Variants in ASTN2 observed in about 807,000 individuals in gnomAD.
ASTN2 encodes the protein astrotactin 2, also known as astrotactin-2.
Under a neutral mutation model 139.8 loss-of-function variants are expected in ASTN2, and 54 were observed. The ratio of observed to expected loss-of-function variants is 0.39; its 90% confidence interval spans 0.31 to 0.48. The LOEUF (loss-of-function observed/expected upper bound fraction) is 0.48, where lower values mean the gene tolerates loss of function less well. ASTN2 is among the 20% of genes least tolerant of loss of function. The pLI, the probability that ASTN2 is intolerant of heterozygous loss-of-function variation, is 0.95. For synonymous variants in ASTN2, 756 were observed against 719.5 expected (o/e 1.05, Z -0.81); for missense variants, 1,565 against 1,725.1 (o/e 0.91, Z 1.64).
chr9:117,180,411 T>C (rs1831029301), intron 3 of ASTN2, among the ~76,000 whole-genome samples: 1 of 152,174 alleles, frequency 6.6e-6, no homozygotes, highest in African/African-American at 2.4e-5. Flanking sequence ...CCCCTTTCCC[T>C]TGCCCCTGGG....
chr9:117,060,395 A>AAAGG lies in ASTN2; in HGVS notation c.1277-20431_1277-20430insCCTT, dbSNP rs1839225193. ...GAAAGAAAGAAAGAAAGAAAGAAAG[A>AAAGG]AAGAAAGAAAGAAAGAAGGAAAGGA... On this transcript the variant is annotated intron_variant, in intron 5 of 22. Coordinates refer to ENST00000313400, the MANE Select transcript of ASTN2 (RefSeq NM_001365068.1). Among the ~76,000 whole-genome samples the AAAGG allele has an allele frequency of 2.5e-5, 2 of 79,018 alleles. 1 individual carries two copies. The highest frequency in any genetic ancestry group is 1.3e-4 in the African/African-American group (2 of 15,376). The allele number at this position is 79,018 out of a possible 152,430, so 51.8% of individuals were successfully genotyped here. A position where few individuals can be genotyped will look rare whatever the true frequency, so the allele number is the denominator to read the frequency against.
chr9:116,619,295 T>C (rs540598000), intron 18 of ASTN2, among the ~76,000 whole-genome samples: 3 of 152,158 alleles, frequency 2.0e-5, no homozygotes, highest in South Asian at 2.1e-4. Flanking sequence ...GCAACGACAA[T>C]GACTTTCCTT....
At chr9:117,218,051 T>C (rs1832385529) in intron 2 of ASTN2, among the ~76,000 whole-genome samples, 1 of 152,246 alleles carries the variant, frequency 6.6e-6, no homozygotes, top group Non-Finnish European at 1.5e-5. Context: ...AAAACCATGC[T>C]CGGAGTGGAG....
rs147282869 is a variant in ASTN2 at position 117,214,575 on chromosome 9, C to T, written c.798G>A (p.Glu266=). 531 of 1,609,382 alleles carry T rather than the reference C, an allele frequency of 3.3e-4. 4 individuals carry two copies. In the African/African-American group the frequency reaches 6.1e-3, roughly 19 times the overall value. ...TTTGCAGCCGGGATGAACGGAAGCT[C>T]TCCCGCGCCTGGGGACCCAGCAGCA... is the stretch of plus-strand genomic sequence containing the variant. The part of the protein sequence containing the change: ...PSVLLGPQAR[E]SFRSSRLQTH... Residue 266 remains glutamate, a synonymous_variant, in exon 3 of 23, where the codon GAG becomes GAA. Transcript: ENST00000313400.
At chr9:116,660,579 AG>A (rs771380549) in intron 16 of ASTN2, among the ~76,000 whole-genome samples, 10 of 152,138 alleles carry the variant, frequency 6.6e-5, no homozygotes, top group Non-Finnish European at 1.5e-4. Flanking sequence ...GCATCATCAG[AG>A]GTCATTTGTT....
intron 3 of ASTN2, chr9:117,180,509 A>G (rs530032567): frequency 4.9e-6 from 3 of 615,472 alleles, no homozygotes; most frequent in Non-Finnish European, 5.6e-6. Context: ...TTTGAATGCC[A>G]TTTCCTCTGT....
At chr9:116,953,693 G>C (rs1321114333) in intron 10 of ASTN2, among the ~76,000 whole-genome samples, 1 of 152,170 alleles carries the variant, frequency 6.6e-6, no homozygotes, top group Non-Finnish European at 1.5e-5. Context: ...AGCATCTCCT[G>C]AGTGCAAAGC....
At chr9:117,291,868 T>C (rs1412690699) in intron 1 of ASTN2, among the ~76,000 whole-genome samples, 2 of 152,118 alleles carry the variant, frequency 1.3e-5, no homozygotes, top group African/African-American at 4.8e-5. Flanking sequence ...TAGAAGAAGA[T>C]GAAGGAAAGA....
intron 1 of ASTN2, among the ~76,000 whole-genome samples, chr9:117,341,344 C>A (rs1279373688): frequency 6.6e-6 from 1 of 151,958 alleles, no homozygotes; most frequent in Non-Finnish European, 1.5e-5. Flanking sequence ...TTTTTACACA[C>A]AAGAGATGGA....
At chr9:116,870,612 G>T (rs906294613) in intron 10 of ASTN2, among the ~76,000 whole-genome samples, 1 of 151,936 alleles carries the variant, frequency 6.6e-6, no homozygotes, top group African/African-American at 2.4e-5. Context: ...GTTAATACTG[G>T]CTCCAAAACA....
intron 3 of ASTN2, among the ~76,000 whole-genome samples, chr9:117,199,389 C>T (rs1204401965): frequency 6.6e-6 from 1 of 152,174 alleles, no homozygotes; most frequent in East Asian, 1.9e-4. Flanking sequence ...GATTCTTTCC[C>T]CATTCCTTTT....
chr9:116,807,437 G>C (rs180827964), intron 12 of ASTN2, among the ~76,000 whole-genome samples: 2 of 152,136 alleles, frequency 1.3e-5, no homozygotes, highest in Non-Finnish European at 2.9e-5. Context: ...AATCCCTGGC[G>C]TACTGCACTG....
At chr9:117,180,781 T>C (rs1362658090) in intron 3 of ASTN2, 41 of 1,554,580 alleles carry the variant, frequency 2.6e-5, no homozygotes, top group Non-Finnish European at 3.5e-5. Context: ...AGGGATGAGC[T>C]GCTTCTCAGC....
At chr9:117,350,969 G>A (rs545038203) in intron 1 of ASTN2, among the ~76,000 whole-genome samples, 1 of 152,198 alleles carries the variant, frequency 6.6e-6, no homozygotes, top group Non-Finnish European at 1.5e-5. Context: ...ATGTTGCATG[G>A]TGGATAGGTG....
chr9:116,997,366 A>T (rs1348996708), intron 7 of ASTN2, among the ~76,000 whole-genome samples: 2 of 152,212 alleles, frequency 1.3e-5, no homozygotes, highest in Non-Finnish European at 2.9e-5. Flanking sequence ...TATCAAGACT[A>T]CCAAACAGAG....
At chr9:117,095,450 A>T (rs1280903517) in intron 5 of ASTN2, among the ~76,000 whole-genome samples, 2 of 152,182 alleles carry the variant, frequency 1.3e-5, no homozygotes, top group Admixed American at 1.3e-4. Flanking sequence ...TCCAATACTG[A>T]ATTTTATCTG....
chr9:117,015,437 A>G (rs535393725), intron 6 of ASTN2, among the ~76,000 whole-genome samples: 90 of 152,310 alleles, frequency 5.9e-4, no homozygotes, highest in Admixed American at 1.4e-3. Flanking sequence ...TCAAATGTAT[A>G]AAACCAAATT....
intron 1 of ASTN2, among the ~76,000 whole-genome samples, chr9:117,396,493 ATAGTT>A (rs1333957727): frequency 1.3e-5 from 2 of 152,174 alleles, no homozygotes; most frequent in African/African-American, 4.8e-5. Context: ...ACTTAAAGAA[ATAGTT>A]TACTTTTTAT....
chr9:117,113,213 C>T (rs1389942127), intron 4 of ASTN2, among the ~76,000 whole-genome samples: 1 of 152,116 alleles, frequency 6.6e-6, no homozygotes, highest in Non-Finnish European at 1.5e-5. Context: ...ACCAAATAAC[C>T]CAGATATCCC....
Sources: gnomAD v4.1 joint callset for allele counts (sites outside exome capture counted in the v4.1 genomes callset) on GRCh38, gnomAD v4.1.1 for gene constraint, MANE v1.5 for transcripts, NCBI Gene and HGNC (gene_info 2026-07-23, HGNC 2026-07-21) for gene names.